Variants in ZC3H3 observed in about 807,000 individuals in gnomAD.
ZC3H3 encodes zinc finger CCCH domain-containing protein 3.
Under a neutral mutation model 77.3 loss-of-function variants are expected in ZC3H3, and 36 were observed. That is an observed-to-expected ratio of 0.47 (90% CI 0.36 to 0.61). The LOEUF is 0.61. ZC3H3 is among the 20% of genes least tolerant of loss of function. The pLI is 0.00. For missense variants in ZC3H3, 1,331 were observed against 1,312.2 expected (o/e 1.01, Z -0.22); for synonymous variants, 626 against 555.2 (o/e 1.13, Z -1.79).
intron 4 of ZC3H3, among the ~76,000 whole-genome samples, chr8:143,488,652 G>A (rs1821113120): frequency 6.6e-6 from 1 of 152,212 alleles, no homozygotes; most frequent in Non-Finnish European, 1.5e-5. Context: ...AGAGCCAGAG[G>A]GAAGCTTCCA....
At chr8:143,525,292 C>T (rs35133539) in intron 3 of ZC3H3, among the ~76,000 whole-genome samples, 4,256 of 152,320 alleles carry the variant, frequency 0.028, 182 homozygotes, top group African/African-American at 0.096. Flanking sequence ...AGCACAGCCT[C>T]GGAGAGCCAC....
chr8:143,539,309 CATCA>C lies in ZC3H3; in HGVS notation c.54_57del (p.Ile18MetfsTer59). On this transcript the variant is annotated frameshift_variant, in exon 2 of 12. Transcript: ENST00000262577. LOFTEE classifies it high-confidence loss of function. ...GCATTGCCGTGGAGGGTTTTGTAGT[CATCA>C]ATCAGACCTGAGAAGACAGAACCAC... 1 of 1,606,966 alleles carries C rather than the reference CATCA, an allele frequency of 6.2e-7. No individual in the cohort carries two copies. Among genetic ancestry groups the C allele is most frequent in the Non-Finnish European group, 8.5e-7 (1 of 1,177,142 alleles).
At position 143,476,177 on chromosome 8, in the gene ZC3H3, G is replaced by A. The variant is rs369900748; in HGVS notation, c.1716-592C>T. ...GACCACAGACACCATAGGGTCAGCAGGCTACCCTGCCTCTTCTCCTCCTCC... is the reference window on the plus strand; with the variant it reads ...GACCACAGACACCATAGGGTCAGCAAGCTACCCTGCCTCTTCTCCTCCTCC... On this transcript the variant is annotated intron_variant, in intron 4 of 11. Coordinates refer to ENST00000262577, the MANE Select transcript of ZC3H3 (RefSeq NM_015117.3). Among the ~76,000 whole-genome samples, 7 of 152,166 alleles carry A rather than the reference G, an allele frequency of 4.6e-5. No individual in the cohort carries two copies. In the East Asian group the frequency reaches 1.3e-3, roughly 29 times the overall value.
Position 143,451,455 on chromosome 8 carries a change from C to T in ZC3H3, c.2308-10335G>A, listed in dbSNP as rs990488556. Among the ~76,000 whole-genome samples the T allele has an allele frequency of 4.6e-5, 7 of 152,220 alleles. No homozygotes were observed. In the East Asian group the frequency reaches 5.8e-4, roughly 13 times the overall value. On this transcript the variant is annotated intron_variant, in intron 9 of 11. Transcript: ENST00000262577. Reference sequence around the variant, plus strand: ...GTAGACACACCGACATGCACCCATACGTTGAAAACCTCAGTAAAACGGATC... The same window carrying T: ...GTAGACACACCGACATGCACCCATATGTTGAAAACCTCAGTAAAACGGATC...
intron 3 of ZC3H3, among the ~76,000 whole-genome samples, chr8:143,510,578 A>C (rs1269457228): frequency 3.9e-5 from 6 of 152,176 alleles, no homozygotes; most frequent in South Asian, 2.1e-4. Context: ...GCAGGAAGGA[A>C]GGGTCCCTCC....
Position 143,441,004 on chromosome 8 carries a change from G to C in ZC3H3, c.2424C>G (p.Ala808=), listed in dbSNP as rs1819726659. 5.4e-6 allele frequency: 8 copies of C among 1,473,014 alleles called. No individual in the cohort carries two copies. Among genetic ancestry groups the C allele is most frequent in the Non-Finnish European group, 5.4e-6 (6 of 1,119,518 alleles). The allele number at this position is 1,473,014 out of a possible 1,614,324, so 91.2% of individuals were successfully genotyped here. Residue 808 remains alanine (A), a synonymous_variant, in exon 10 of 12, where the codon GCC becomes GCG. Coordinates refer to ENST00000262577, the MANE Select transcript of ZC3H3 (RefSeq NM_015117.3). ...CGCTGGGCCCTGGGGCGGGGGACGT[G>C]GCTGCCCGCCGACTGTGGCGTTTCT... ...RTQKRHSRRA[A]TSPAPGPSDA...
rs1822797081 is a variant in ZC3H3 at position 143,536,350 on chromosome 8, G to A, written c.1468C>T (p.Leu490=). The A allele has an allele frequency of 1.2e-6, 2 of 1,607,408 alleles. No homozygotes were observed. The highest frequency in any genetic ancestry group is 1.7e-6 in the Non-Finnish European group (2 of 1,177,348). The part of the protein sequence containing the change: ...QALRGKSSPV[L]KKTPNKGLVQ... Reference sequence around the variant, plus strand: ...AGGCCCTTGTTGGGGGTCTTCTTCAGGACAGGGCTGCTCTTCCCCCTGAGG... The same window carrying A: ...AGGCCCTTGTTGGGGGTCTTCTTCAAGACAGGGCTGCTCTTCCCCCTGAGG... Residue 490 remains leucine, a synonymous_variant, in exon 3 of 12, where the codon CTG becomes TTG. Coordinates refer to ENST00000262577, the MANE Select transcript of ZC3H3 (RefSeq NM_015117.3).
chr8:143,538,947 C>T lies in ZC3H3; in HGVS notation c.420G>A (p.Gly140=), dbSNP rs1822909588. ...PSKSGSASAS[G]AQRGSLEEFE... ...ATTCTTCCAAAGAGCCCCGCTGGGC[C>T]CCTGAGGCACTGGCAGAGCCAGACT... The change falls in exon 2 of 12, where the codon GGG becomes GGA. Residue 140 remains glycine (G), a synonymous_variant. Transcript: ENST00000262577. The T allele has an allele frequency of 3.1e-6, 5 of 1,612,918 alleles. No homozygotes were observed. In the East Asian group the frequency reaches 8.9e-5, roughly 29 times the overall value.
At chr8:143,483,000 A>T (rs1820948480) in intron 4 of ZC3H3, among the ~76,000 whole-genome samples, 4 of 152,246 alleles carry the variant, frequency 2.6e-5, no homozygotes, top group Admixed American at 2.6e-4. Flanking sequence ...CAGGCCGCCC[A>T]GGCCAGTGGC....
chr8:143,528,930 A>C (rs1822508009), intron 3 of ZC3H3, among the ~76,000 whole-genome samples: 1 of 152,214 alleles, frequency 6.6e-6, no homozygotes, highest in Non-Finnish European at 1.5e-5. Context: ...CCTTCTTAAC[A>C]GGCAGGACGG....
intron 4 of ZC3H3, among the ~76,000 whole-genome samples, chr8:143,477,210 G>A (rs1439921270): frequency 6.6e-6 from 1 of 152,248 alleles, no homozygotes; most frequent in Non-Finnish European, 1.5e-5. Context: ...AGAGAGCCCG[G>A]TGCCGGGGAT....
In ZC3H3 at chr8:143,468,525, G is replaced by T; in HGVS notation, c.1962C>A (p.Arg654=). 2 of 1,608,414 alleles carry T rather than the reference G, an allele frequency of 1.2e-6. No homozygotes were observed. Among genetic ancestry groups the T allele is most frequent in the South Asian group, 2.2e-5 (2 of 90,116 alleles). ...SRSLASRAVQ[R]SLAIIRQARQ... ...GCGCCTGCCGGATGATGGCCAGGCT[G>T]CGCTGCACTGCCCGGCTGCAGACGG... Residue 654 remains arginine, a synonymous_variant, in exon 7 of 12, where the codon CGC becomes CGA. Transcript: ENST00000262577.
intron 3 of ZC3H3, among the ~76,000 whole-genome samples, chr8:143,510,065 C>T (rs74426324): frequency 2.8e-4 from 42 of 152,312 alleles, no homozygotes; most frequent in Middle Eastern, 3.4e-3. Flanking sequence ...GCACCATGAT[C>T]ACACTCCTGC....
chr8:143,506,462 C>T (rs1266095418), intron 4 of ZC3H3, among the ~76,000 whole-genome samples: 1 of 152,102 alleles, frequency 6.6e-6, no homozygotes, highest in Non-Finnish European at 1.5e-5. Flanking sequence ...AAAGGCCATG[C>T]TCACCAGATA....
rs983302197 is a variant in ZC3H3, at chr8:143,447,967, A to G, written c.2308-6847T>C. Among the ~76,000 whole-genome samples the G allele has an allele frequency of 3.9e-5, 6 of 152,278 alleles. No homozygotes were observed. The South Asian group carries it at 8.3e-4, about 21-fold the overall frequency. ...AACATGGGGAAACCCTGTCTCTACT[A>G]AAAATACAAAATTAGCCAGGTGTGG... On this transcript the variant is annotated intron_variant, in intron 9 of 11. Transcript: ENST00000262577.
chr8:143,475,802 T>C (rs1820717769), intron 4 of ZC3H3, among the ~76,000 whole-genome samples: 2 of 151,844 alleles, frequency 1.3e-5, no homozygotes, highest in Admixed American at 1.3e-4. Context: ...CTCAGGGACA[T>C]TTTGGCCGTC....
intron 4 of ZC3H3, among the ~76,000 whole-genome samples, chr8:143,497,833 G>A (rs1821396908): frequency 6.6e-6 from 1 of 152,214 alleles, no homozygotes; most frequent in Admixed American, 6.5e-5. Flanking sequence ...TCGAGGCCTG[G>A]CCAGGTCTCT....
At position 143,508,762 on chromosome 8, in the gene ZC3H3, C is replaced by T. The variant is rs1026668039; in HGVS notation, c.1562-863G>A. ...CTTCAGGGTCGCCCACAGGAGGACC[C>T]CACCCAGCCCAGCCCAGGGGACCTC... On this transcript the variant is annotated intron_variant, in intron 3 of 11. Coordinates refer to ENST00000262577, the MANE Select transcript of ZC3H3 (RefSeq NM_015117.3). 1.2e-4 allele frequency among the ~76,000 whole-genome samples: 18 copies of T among 152,068 alleles called. No individual in the cohort carries two copies. The East Asian group carries it at 3.3e-3, about 28-fold the overall frequency.
At position 143,516,525 on chromosome 8, in the gene ZC3H3, T is replaced by TCACA. The variant is rs57359541; in HGVS notation, c.1562-8630_1562-8627dup. Among the ~76,000 whole-genome samples, 788 of 139,996 alleles carry TCACA rather than the reference T, an allele frequency of 5.6e-3. 4 individuals are homozygous for TCACA. The highest frequency in any genetic ancestry group is 0.014 in the Middle Eastern group (4 of 284). 91.8% of individuals were successfully genotyped at this position (139,996 alleles called of 152,430 possible). On this transcript the variant is annotated intron_variant, in intron 3 of 11. Coordinates refer to ENST00000262577, the MANE Select transcript of ZC3H3 (RefSeq NM_015117.3). ...GTCAGCGCGAAAGGAAACTTTGCAATCACACACACACACACACACACACAC... is the reference window on the plus strand; with the variant it reads ...GTCAGCGCGAAAGGAAACTTTGCAATCACACACACACACACACACACACACACAC...
Sources: allele counts gnomAD v4.1 joint callset (sites outside exome capture counted in the v4.1 genomes callset), GRCh38; gene constraint gnomAD v4.1.1; transcripts MANE v1.5; gene names NCBI Gene and HGNC (gene_info 2026-07-23, HGNC 2026-07-21).